PRKCE: variants seen among roughly 807,000 people sequenced by gnomAD.
The protein encoded by PRKCE is protein kinase C epsilon, also known as protein kinase C epsilon type.
In PRKCE, 16 loss-of-function variants were observed where a neutral mutation model predicts 85.4. The ratio of observed to expected loss-of-function variants is 0.19; its 90% CI spans 0.13 to 0.28. The LOEUF is 0.28. Among genes scored for constraint, PRKCE ranks in the 10% least tolerant of loss-of-function variants. PRKCE has a pLI of 1.00. For synonymous variants in PRKCE, 388 were observed against 371.5 expected (o/e 1.04, Z -0.51); for missense variants, 573 against 975.2 (o/e 0.59, Z 5.49).
At chr2:45,663,546 G>A (rs578223182) in intron 1 of PRKCE, among the ~76,000 whole-genome samples, 82 of 152,288 alleles carry the variant, frequency 5.4e-4, no homozygotes, top group African/African-American at 1.9e-3. Context: ...CACTTTGGGA[G>A]GCCGAGGCAG....
Position 46,124,946 on chromosome 2 carries a change from G to A in PRKCE, c.1593-20147G>A, listed in dbSNP as rs566719148. Among the ~76,000 whole-genome samples the A allele has an allele frequency of 3.9e-5, 6 of 152,272 alleles. No individual in the cohort carries two copies. In the South Asian group the frequency reaches 8.3e-4, roughly 21 times the overall value. On this transcript the variant is annotated intron_variant, in intron 11 of 14. Transcript: ENST00000306156. ...TTTTAGACACATTTAAATCTTAGCTGGAAAAAGGGATGGCCTATCTCAAAG... is the reference window on the plus strand; with the variant it reads ...TTTTAGACACATTTAAATCTTAGCTAGAAAAAGGGATGGCCTATCTCAAAG...
chr2:45,941,130 C>G (rs1032072014), intron 2 of PRKCE, among the ~76,000 whole-genome samples: 2 of 143,628 alleles, frequency 1.4e-5, no homozygotes, highest in South Asian at 2.4e-4. Flanking sequence ...GACTTATATA[C>G]TAACCGAAAG....
chr2:46,106,715 C>T (rs1671749825), intron 11 of PRKCE, among the ~76,000 whole-genome samples: 1 of 152,192 alleles, frequency 6.6e-6, no homozygotes, highest in Non-Finnish European at 1.5e-5. Flanking sequence ...TATCAGGACA[C>T]CAGTCAGATT....
intron 10 of PRKCE, among the ~76,000 whole-genome samples, chr2:46,059,279 C>T (rs562583632): frequency 6.6e-6 from 1 of 152,172 alleles, no homozygotes; most frequent in African/African-American, 2.4e-5. Flanking sequence ...CAGAGTGAGA[C>T]CTCAACCCTT....
At chr2:46,117,349 C>A (rs1180339737) in intron 11 of PRKCE, among the ~76,000 whole-genome samples, 1 of 152,174 alleles carries the variant, frequency 6.6e-6, no homozygotes, top group Non-Finnish European at 1.5e-5. Flanking sequence ...TCTTTTGTGG[C>A]TAATAATCCT....
intron 1 of PRKCE, among the ~76,000 whole-genome samples, chr2:45,773,771 G>T (rs1054021041): frequency 4.6e-5 from 7 of 152,132 alleles, no homozygotes; most frequent in Non-Finnish European, 2.9e-5. Flanking sequence ...CAGCCTGTGG[G>T]CTGCTTCTCA....
Position 46,139,312 on chromosome 2 carries a change from C to T in PRKCE, c.1593-5781C>T, listed in dbSNP as rs554254335. ...AAAACTGTTACAAAAATAGAGGGTT[C>T]GGTATAATGGCAGGGCACAGAATGA... On this transcript the variant is annotated intron_variant, in intron 11 of 14. Coordinates refer to ENST00000306156, the MANE Select transcript of PRKCE (RefSeq NM_005400.3). This position sits in a 1 kb window ranked among gnomAD's most constrained non-coding sequence, Gnocchi z 5.2. Among the ~76,000 whole-genome samples the T allele has an allele frequency of 7.9e-5, 12 of 152,212 alleles. No homozygotes were observed. In the East Asian group the frequency reaches 1.9e-3, roughly 24 times the overall value.
intron 2 of PRKCE, among the ~76,000 whole-genome samples, chr2:45,861,258 C>A (rs542324131): frequency 5.6e-4 from 85 of 152,264 alleles, no homozygotes; most frequent in Non-Finnish European, 1.1e-3. Context: ...CCTCCACAGG[C>A]AATCCTTGTA....
chr2:45,812,529 G>T (rs1688726575), intron 1 of PRKCE, among the ~76,000 whole-genome samples: 1 of 152,174 alleles, frequency 6.6e-6, no homozygotes, highest in African/African-American at 2.4e-5. Context: ...GTGCCCTTGG[G>T]CCCTTCTGTG....
intron 2 of PRKCE, among the ~76,000 whole-genome samples, chr2:45,918,945 CCCT>C (rs1173980450): frequency 6.6e-6 from 1 of 152,194 alleles, no homozygotes; most frequent in Non-Finnish European, 1.5e-5. Context: ...TGTCACACAC[CCCT>C]CCTCTTCAGG....
intron 1 of PRKCE, among the ~76,000 whole-genome samples, chr2:45,757,966 G>T (rs1452244544): frequency 1.3e-5 from 2 of 152,214 alleles, no homozygotes; most frequent in Non-Finnish European, 2.9e-5. Flanking sequence ...GGATCCAAGT[G>T]ACTTCAATGA....
At chr2:46,168,924 C>T (rs996517008) in intron 14 of PRKCE, among the ~76,000 whole-genome samples, 8 of 152,172 alleles carry the variant, frequency 5.3e-5, no homozygotes, top group South Asian at 2.1e-4. Flanking sequence ...CCTATCTCTG[C>T]GGAGAGGACT....
chr2:45,892,912 T>C (rs148952329), intron 2 of PRKCE, among the ~76,000 whole-genome samples: 1 of 152,184 alleles, frequency 6.6e-6, no homozygotes, highest in East Asian at 1.9e-4. Flanking sequence ...GGGGTTGCTG[T>C]TGATTGATGA....
chr2:45,706,080 C>T (rs1212461662), intron 1 of PRKCE, among the ~76,000 whole-genome samples: 1 of 152,116 alleles, frequency 6.6e-6, no homozygotes, highest in African/African-American at 2.4e-5. Flanking sequence ...ATTATTTCTG[C>T]CAGAGATTTC....
intron 1 of PRKCE, among the ~76,000 whole-genome samples, chr2:45,731,292 C>A (rs1004649621): frequency 6.6e-6 from 1 of 152,206 alleles, no homozygotes; most frequent in African/African-American, 2.4e-5. Flanking sequence ...TTCACTTAGA[C>A]AGAGCAGCTC....
At chr2:46,072,460 T>C (rs755287363) in intron 10 of PRKCE, among the ~76,000 whole-genome samples, 5 of 152,236 alleles carry the variant, frequency 3.3e-5, no homozygotes, top group Admixed American at 6.5e-5. Flanking sequence ...TGGGCAGCCA[T>C]GCATATGAAT....
intron 2 of PRKCE, among the ~76,000 whole-genome samples, chr2:45,959,674 A>G (rs1249266830): frequency 6.6e-6 from 1 of 152,216 alleles, no homozygotes. Flanking sequence ...TTTCTCAAGC[A>G]GATACAAACT....
chr2:46,027,361 A>G (rs1222871402), intron 10 of PRKCE, among the ~76,000 whole-genome samples: 1 of 151,930 alleles, frequency 6.6e-6, no homozygotes, highest in Non-Finnish European at 1.5e-5. Context: ...AGAAAAGAAA[A>G]ACAAGATCAT....
chr2:46,107,385 G>A (rs1671830212), intron 11 of PRKCE, among the ~76,000 whole-genome samples: 1 of 152,178 alleles, frequency 6.6e-6, no homozygotes, highest in South Asian at 2.1e-4. Flanking sequence ...GCTCATGCCT[G>A]TAATCCCAGC....
Sources: gnomAD v4.1 joint callset for allele counts (sites outside exome capture counted in the v4.1 genomes callset) on GRCh38, gnomAD v4.1.1 for gene constraint, Gnocchi (gnomAD v3.1) non-coding constraint, MANE v1.5 for transcripts, NCBI Gene and HGNC (gene_info 2026-07-23, HGNC 2026-07-21) for gene names.